Variants in ASIC2 observed in about 807,000 individuals in gnomAD.
ASIC2 encodes acid sensing ion channel subunit 2.
ASIC2 carries 25 observed loss-of-function variants against 57.3 expected under a neutral mutation model. The observed-to-expected ratio is 0.44, with a 90% CI of 0.32 to 0.61. ASIC2 has a LOEUF of 0.61. ASIC2 is among the 20% of genes least tolerant of loss of function. The pLI, the probability that ASIC2 is intolerant of heterozygous loss-of-function variation, is 0.06. For missense variants in ASIC2, 641 were observed against 738.1 expected, an observed-to-expected ratio of 0.87 and a Z score of 1.52; for synonymous variants, 319 against 307.5, an observed-to-expected ratio of 1.04 and a Z score of -0.39.
At chr17:33,388,003 C>A (rs546733797) in intron 1 of ASIC2, among the ~76,000 whole-genome samples, 10 of 152,116 alleles carry the variant, frequency 6.6e-5, no homozygotes, top group Non-Finnish European at 1.3e-4. Context: ...TTGCTTGAAC[C>A]CGGGAGGCAG....
intron 1 of ASIC2, among the ~76,000 whole-genome samples, chr17:33,226,475 C>G (rs1907883655): frequency 2.0e-5 from 3 of 152,298 alleles, no homozygotes; most frequent in Middle Eastern, 3.4e-3. Flanking sequence ...CAGAAAATCA[C>G]TATGGTGCTT....
At chr17:33,659,024 T>A (rs896882369) in intron 1 of ASIC2, among the ~76,000 whole-genome samples, 1 of 152,066 alleles carries the variant, frequency 6.6e-6, no homozygotes, top group African/African-American at 2.4e-5. Context: ...ATAAAATAAT[T>A]TTTTAAAAAA....
At chr17:33,960,115 T>C in intron 1 of ASIC2, among the ~76,000 whole-genome samples, 1 of 152,186 alleles carries the variant, frequency 6.6e-6, no homozygotes, top group East Asian at 1.9e-4. Context: ...GTGGGATAAA[T>C]TCAATCAATG....
intron 1 of ASIC2, among the ~76,000 whole-genome samples, chr17:34,032,770 C>A (rs914707369): frequency 1.3e-5 from 2 of 152,106 alleles, no homozygotes; most frequent in Non-Finnish European, 2.9e-5. Context: ...CAAAGAAGGC[C>A]ATTACATAAA....
At chr17:33,469,084 T>A (rs897652843) in intron 1 of ASIC2, among the ~76,000 whole-genome samples, 13 of 152,244 alleles carry the variant, frequency 8.5e-5, no homozygotes, top group Non-Finnish European at 1.5e-5. Flanking sequence ...GTTGGCAGGA[T>A]GCTTTCTGGC....
intron 1 of ASIC2, among the ~76,000 whole-genome samples, chr17:34,064,869 T>TA (rs974685908): frequency 1.3e-5 from 2 of 151,940 alleles, no homozygotes; most frequent in Admixed American, 6.5e-5. Flanking sequence ...AATCAAAAAA[T>TA]AAAAAAACAG....
chr17:33,839,372 G>A (rs1048377454), intron 1 of ASIC2, among the ~76,000 whole-genome samples: 1 of 152,228 alleles, frequency 6.6e-6, no homozygotes, highest in Non-Finnish European at 1.5e-5. Context: ...CTAACACCCA[G>A]AGTCCCACAG....
intron 1 of ASIC2, among the ~76,000 whole-genome samples, chr17:33,968,475 G>A (rs537400944): frequency 5.3e-5 from 8 of 152,338 alleles, no homozygotes; most frequent in Admixed American, 2.6e-4. Context: ...TTCCCGCACT[G>A]CAAGGGAGAA....
chr17:33,677,573 A>C (rs1907864889), intron 1 of ASIC2, among the ~76,000 whole-genome samples: 1 of 152,190 alleles, frequency 6.6e-6, no homozygotes, highest in Non-Finnish European at 1.5e-5. Context: ...GAAGATCAAC[A>C]TATTAACTTT....
intron 1 of ASIC2, among the ~76,000 whole-genome samples, chr17:33,342,566 G>C (rs1386470176): frequency 6.6e-6 from 1 of 152,088 alleles, no homozygotes; most frequent in Non-Finnish European, 1.5e-5. Flanking sequence ...GACCATTCCT[G>C]GGGGAATCAC....
At chr17:33,628,934 A>T (rs1222294596) in intron 1 of ASIC2, among the ~76,000 whole-genome samples, 2 of 152,154 alleles carry the variant, frequency 1.3e-5, no homozygotes, top group Admixed American at 1.3e-4. Flanking sequence ...TATCTGTTGC[A>T]CGTGGGAGCC....
intron 2 of ASIC2, among the ~76,000 whole-genome samples, chr17:33,101,773 A>G (rs896099945): frequency 6.6e-6 from 1 of 152,196 alleles, no homozygotes; most frequent in African/African-American, 2.4e-5. Context: ...ATGACTCTGT[A>G]AATATTGTGC....
At chr17:33,905,574 A>ATCC (rs1915330553) in intron 1 of ASIC2, among the ~76,000 whole-genome samples, 1 of 152,190 alleles carries the variant, frequency 6.6e-6, no homozygotes, top group Admixed American at 6.5e-5. Flanking sequence ...TAATATGCAA[A>ATCC]GTAGGGATGC....
At chr17:34,040,465 G>T (rs1908087980) in intron 1 of ASIC2, among the ~76,000 whole-genome samples, 1 of 140,466 alleles carries the variant, frequency 7.1e-6, no homozygotes, top group Admixed American at 6.8e-5. Flanking sequence ...CGAGGAAGGT[G>T]GGGGGGGTCC....
intron 1 of ASIC2, among the ~76,000 whole-genome samples, chr17:33,181,670 C>G (rs1299850182): frequency 6.6e-6 from 1 of 152,192 alleles, no homozygotes; most frequent in Non-Finnish European, 1.5e-5. Flanking sequence ...CTGGGCATCA[C>G]CCTCAATCCA....
intron 1 of ASIC2, among the ~76,000 whole-genome samples, chr17:33,483,135 C>CA (rs535154038): frequency 3.4e-5 from 5 of 147,018 alleles, no homozygotes; most frequent in Non-Finnish European, 7.7e-5. Flanking sequence ...CCACGCCACA[C>CA]AGATCTACGC....
chr17:33,177,801 A>G (rs1905818919), intron 1 of ASIC2, among the ~76,000 whole-genome samples: 1 of 152,160 alleles, frequency 6.6e-6, no homozygotes, highest in Admixed American at 6.5e-5. Flanking sequence ...GCTTGCTGAA[A>G]TAACATGTCT....
At chr17:33,309,053 G>A (rs1014359109) in intron 1 of ASIC2, among the ~76,000 whole-genome samples, 49 of 152,244 alleles carry the variant, frequency 3.2e-4, no homozygotes, top group East Asian at 1.7e-3. Context: ...GACCAATTCT[G>A]TTTGATTAAA....
chr17:33,949,073 C>T (rs2141983823), intron 1 of ASIC2, among the ~76,000 whole-genome samples: 1 of 151,230 alleles, frequency 6.6e-6, no homozygotes, highest in South Asian at 2.1e-4. Flanking sequence ...TCACGTGGCA[C>T]AAAACCTTCT....
Sources: gnomAD v4.1 joint callset for allele counts (sites outside exome capture counted in the v4.1 genomes callset) on GRCh38, gnomAD v4.1.1 for gene constraint, MANE v1.5 for transcripts, NCBI Gene and HGNC (gene_info 2026-07-23, HGNC 2026-07-21) for gene names.